Variants in IGSF21 observed in about 807,000 individuals in gnomAD.
The protein encoded by IGSF21 is immunoglobin superfamily member 21.
IGSF21 carries 28 observed loss-of-function variants against 46.8 expected under a neutral mutation model. That is an observed-to-expected ratio of 0.60 (90% CI 0.44 to 0.82). The LOEUF is 0.82. Among genes scored for constraint, IGSF21 ranks in the 40% least tolerant of loss-of-function variants. The pLI is 0.00. For missense variants in IGSF21, 624 were observed against 665.5 expected (o/e 0.94, Z 0.69); for synonymous variants, 284 against 273.6 (o/e 1.04, Z -0.38).
rs1569906122 is a variant in IGSF21 at position 18,376,660 on chromosome 1, C to T, written c.1102-140C>T. ...TCTCTTAAGTCCCAGACTCCTCCTC[C>T]TCCTGGAGTTCAGGGCAGCCACTCC... On this transcript the variant is annotated intron_variant, in intron 7 of 9. Transcript: ENST00000251296. The T allele has an allele frequency of 5.3e-6, 4 of 761,514 alleles. No homozygotes were observed. The Admixed American group carries it at 8.0e-5, about 15-fold the overall frequency. The allele number at this position is 761,514 out of a possible 1,614,324, so 47.2% of individuals were successfully genotyped here.
At chr1:18,320,261 TC>T (rs1337899270) in intron 3 of IGSF21, among the ~76,000 whole-genome samples, 1 of 152,188 alleles carries the variant, frequency 6.6e-6, no homozygotes, top group African/African-American at 2.4e-5. Flanking sequence ...GCTGGCTGGC[TC>T]CTCTGTCTCT....
At chr1:18,159,238 C>T (rs74739063) in intron 1 of IGSF21, among the ~76,000 whole-genome samples, 189 of 152,360 alleles carry the variant, frequency 1.2e-3, no homozygotes, top group African/African-American at 4.4e-3. Flanking sequence ...GACTTGTCTG[C>T]TGAAGATGCT....
chr1:18,214,805 G>A (rs1002033582), intron 1 of IGSF21, among the ~76,000 whole-genome samples: 10 of 152,278 alleles, frequency 6.6e-5, no homozygotes, highest in Admixed American at 1.3e-4. Flanking sequence ...GTACAGTGGC[G>A]TGATCTCAGC....
At position 18,334,293 on chromosome 1, in the gene IGSF21, C is replaced by A. The variant is rs1452069214; in HGVS notation, c.306-599C>A. Among the ~76,000 whole-genome samples the A allele has an allele frequency of 6.6e-6, 1 of 152,182 alleles. No individual in the cohort carries two copies. Among genetic ancestry groups the A allele is most frequent in the Non-Finnish European group, 1.5e-5 (1 of 68,038 alleles). On this transcript the variant is annotated intron_variant, in intron 3 of 9. Transcript: ENST00000251296. This position sits in a 1 kb window ranked among gnomAD's most constrained non-coding sequence, Gnocchi z 4.3. ...ACCTCCTTGTCTACTGGGATGGGGG[C>A]TCCTTTGGGACCTGAATTTTATTGT...
At chr1:18,204,664 T>A (rs769383281) in intron 1 of IGSF21, among the ~76,000 whole-genome samples, 41 of 152,112 alleles carry the variant, frequency 2.7e-4, no homozygotes, top group Non-Finnish European at 4.6e-4. Flanking sequence ...GCAGTGTGTG[T>A]CTGATCTCCC....
chr1:18,200,537 C>T (rs977097898), intron 1 of IGSF21, among the ~76,000 whole-genome samples: 27 of 152,142 alleles, frequency 1.8e-4, no homozygotes, highest in African/African-American at 3.4e-4. Context: ...TGCATCCCTC[C>T]GGTCTCTGCC....
At chr1:18,164,554 G>A (rs899164798) in intron 1 of IGSF21, among the ~76,000 whole-genome samples, 8 of 152,018 alleles carry the variant, frequency 5.3e-5, no homozygotes, top group South Asian at 2.1e-4. Context: ...TGCCAAACAC[G>A]GTGTCAGCAA....
At chr1:18,188,369 A>C (rs2086924280) in intron 1 of IGSF21, among the ~76,000 whole-genome samples, 1 of 152,150 alleles carries the variant, frequency 6.6e-6, no homozygotes, top group African/African-American at 2.4e-5. Context: ...GATCGCCCCC[A>C]TAAAATATGG....
intron 3 of IGSF21, among the ~76,000 whole-genome samples, chr1:18,295,139 G>A (rs1199524185): frequency 3.3e-5 from 5 of 152,164 alleles, no homozygotes; most frequent in East Asian, 1.9e-4. Context: ...GATGGAAGTC[G>A]GGTGGATCAT....
intron 2 of IGSF21, among the ~76,000 whole-genome samples, chr1:18,242,718 G>A (rs967353278): frequency 6.6e-6 from 1 of 152,190 alleles, no homozygotes; most frequent in African/African-American, 2.4e-5. Context: ...GTTCTTTGGA[G>A]ACAGAGAAGT....
chr1:18,338,693 A>G (rs979174419), intron 4 of IGSF21, among the ~76,000 whole-genome samples: 2 of 152,210 alleles, frequency 1.3e-5, no homozygotes, highest in Non-Finnish European at 2.9e-5. Context: ...TTTCACGCCT[A>G]TAACATCCCA....
At chr1:18,134,083 G>T (rs1346660264) in intron 1 of IGSF21, among the ~76,000 whole-genome samples, 3 of 152,160 alleles carry the variant, frequency 2.0e-5, no homozygotes, top group African/African-American at 7.2e-5. Flanking sequence ...ACTAGAGGAA[G>T]GTAATGTGTG....
chr1:18,132,506 GT>G (rs1168045511), intron 1 of IGSF21, among the ~76,000 whole-genome samples: 1 of 152,220 alleles, frequency 6.6e-6, no homozygotes, highest in Non-Finnish European at 1.5e-5. Flanking sequence ...GCCCCAGCCT[GT>G]AGGCAGAGGG....
intron 1 of IGSF21, chr1:18,110,639 C>T (rs1238966588): frequency 2.0e-5 from 3 of 152,396 alleles, no homozygotes; most frequent in Non-Finnish European, 4.4e-5. Flanking sequence ...AGGCCGCTGC[C>T]CCTCGCACTG....
At chr1:18,305,612 G>GGAT (rs2085418372) in intron 3 of IGSF21, among the ~76,000 whole-genome samples, 1 of 151,580 alleles carries the variant, frequency 6.6e-6, no homozygotes, top group Non-Finnish European at 1.5e-5. Flanking sequence ...ATAGATGGAT[G>GGAT]GATGGATGGA....
At chr1:18,268,156 C>T (rs908541091) in intron 2 of IGSF21, among the ~76,000 whole-genome samples, 11 of 152,218 alleles carry the variant, frequency 7.2e-5, no homozygotes, top group East Asian at 1.9e-4. Flanking sequence ...TTCAACCACA[C>T]GGAGCAATAT....
At chr1:18,252,780 T>C (rs1424660689) in intron 2 of IGSF21, among the ~76,000 whole-genome samples, 2 of 152,192 alleles carry the variant, frequency 1.3e-5, no homozygotes, top group Non-Finnish European at 2.9e-5. Context: ...ACAAAGATCA[T>C]GGGTTCCAGC....
chr1:18,239,524 G>A (rs2084705200), intron 2 of IGSF21, among the ~76,000 whole-genome samples: 2 of 152,168 alleles, frequency 1.3e-5, no homozygotes, highest in African/African-American at 2.4e-5. Context: ...AGCATACAAG[G>A]TTCTTCTTGA....
intron 2 of IGSF21, among the ~76,000 whole-genome samples, chr1:18,288,689 T>C (rs1272788190): frequency 6.6e-6 from 1 of 152,202 alleles, no homozygotes; most frequent in African/African-American, 2.4e-5. Flanking sequence ...AAATAGCTGC[T>C]AGCCCGCTGG....
Sources: gnomAD v4.1 joint callset for allele counts (sites outside exome capture counted in the v4.1 genomes callset) on GRCh38, gnomAD v4.1.1 for gene constraint, Gnocchi (gnomAD v3.1) non-coding constraint, MANE v1.5 for transcripts, NCBI Gene and HGNC (gene_info 2026-07-23, HGNC 2026-07-21) for gene names.